The following ADAMTS9 variants were observed in gnomAD, a reference collection of about 807,000 sequenced individuals.
ADAMTS9 encodes A disintegrin and metalloproteinase with thrombospondin motifs 9.
A neutral mutation model predicts 257.1 loss-of-function variants in ADAMTS9; 107 were observed. The observed-to-expected ratio is 0.42, with a 90% CI of 0.36 to 0.49. The LOEUF (loss-of-function observed/expected upper bound fraction) is 0.49, where lower values mean the gene tolerates loss of function less well. ADAMTS9 is among the 20% of genes least tolerant of loss of function. The pLI is 0.03. For missense variants in ADAMTS9, 2,353 were observed against 2,469.1 expected, an observed-to-expected ratio of 0.95 and a Z score of 1.00; for synonymous variants, 982 against 880.9, an observed-to-expected ratio of 1.11 and a Z score of -2.03.
At chr3:64,533,394 T>C (rs1423879954) in intron 37 of ADAMTS9, 124 bp from the exon 38 acceptor site, 1 of 720,464 alleles carries the variant, frequency 1.4e-6, no homozygotes, top group Non-Finnish European at 2.4e-6. Flanking sequence ...TTGTGATAGC[T>C]ACTAATTATT....
chr3:64,600,941 A>T (rs2084448255), intron 26 of ADAMTS9, among the ~76,000 whole-genome samples: 1 of 152,228 alleles, frequency 6.6e-6, no homozygotes, highest in South Asian at 2.1e-4. Flanking sequence ...ATAGTAAACA[A>T]TTAAAAAGAA....
intron 30 of ADAMTS9, among the ~76,000 whole-genome samples, chr3:64,551,649 C>T (rs1283145160): frequency 1.3e-5 from 2 of 152,176 alleles, no homozygotes; most frequent in Non-Finnish European, 2.9e-5. Flanking sequence ...CTTCAAACAC[C>T]TACTCACAAG....
At chr3:64,664,548 C>T (rs76619400) in intron 3 of ADAMTS9, among the ~76,000 whole-genome samples, 1 of 152,188 alleles carries the variant, frequency 6.6e-6, no homozygotes, top group African/African-American at 2.4e-5. Flanking sequence ...CTGTGACTGG[C>T]TTCTTTCACT....
intron 22 of ADAMTS9, among the ~76,000 whole-genome samples, chr3:64,608,023 T>A (rs1342901389): frequency 6.6e-6 from 1 of 152,096 alleles, no homozygotes; most frequent in African/African-American, 2.4e-5. Flanking sequence ...TACATATTCT[T>A]AACCCATAGG....
At chr3:64,580,685 T>TA (rs1463115636) in intron 28 of ADAMTS9, among the ~76,000 whole-genome samples, 1 of 152,116 alleles carries the variant, frequency 6.6e-6, no homozygotes, top group African/African-American at 2.4e-5. Context: ...AAGTGAAATG[T>TA]AAAAAAAGAT....
intron 32 of ADAMTS9, among the ~76,000 whole-genome samples, chr3:64,544,411 T>C (rs907238994): frequency 2.6e-5 from 4 of 152,124 alleles, no homozygotes; most frequent in South Asian, 2.1e-4. Context: ...GGTACCAAAA[T>C]AGAGACATAG....
chr3:64,537,392 A>T (rs950228600), intron 37 of ADAMTS9, among the ~76,000 whole-genome samples: 1 of 152,234 alleles, frequency 6.6e-6, no homozygotes, highest in Admixed American at 6.5e-5. Flanking sequence ...AATGCAACAG[A>T]TACCAATGGG....
chr3:64,637,363 T>A (rs1046924663), intron 12 of ADAMTS9, among the ~76,000 whole-genome samples: 2 of 152,200 alleles, frequency 1.3e-5, no homozygotes, highest in Non-Finnish European at 2.9e-5. Context: ...ACTATTAAGA[T>A]CCTTTTAAAA....
chr3:64,640,997 G>A (rs1559805885), intron 12 of ADAMTS9, among the ~76,000 whole-genome samples: 1 of 152,064 alleles, frequency 6.6e-6, no homozygotes, highest in African/African-American at 2.4e-5. Context: ...AAAATGTCAG[G>A]TTGTGGGATG....
chr3:64,557,975 G>A (rs575489251), intron 30 of ADAMTS9, among the ~76,000 whole-genome samples: 15 of 152,260 alleles, frequency 9.9e-5, no homozygotes, highest in African/African-American at 3.6e-4. Flanking sequence ...CAATGAACAG[G>A]AAGTCCACTG....
At chr3:64,579,808 T>C (rs1190488511) in intron 28 of ADAMTS9, among the ~76,000 whole-genome samples, 2 of 152,224 alleles carry the variant, frequency 1.3e-5, no homozygotes, top group Admixed American at 6.5e-5. Flanking sequence ...CTGTCTCTTA[T>C]ATCCATTCAG....
chr3:64,601,821 G>T, intron 26 of ADAMTS9, 123 bp downstream of exon 26: 1 of 1,218,904 alleles, frequency 8.2e-7, no homozygotes, highest in Non-Finnish European at 1.1e-6. Flanking sequence ...CAAAGCAAAT[G>T]AAAATGCACA....
intron 22 of ADAMTS9, among the ~76,000 whole-genome samples, chr3:64,612,368 A>G (rs1576116800): frequency 1.3e-5 from 2 of 152,346 alleles, no homozygotes; most frequent in Non-Finnish European, 2.9e-5. Flanking sequence ...ATGCAGATAC[A>G]GACAAAAAGA....
Position 64,561,511 on chromosome 3 carries a change from G to GA in ADAMTS9, c.4698+66dup, listed in dbSNP as rs551592736. 549 of 1,533,962 alleles carry GA rather than the reference G, an allele frequency of 3.6e-4. No homozygotes were observed. In the African/African-American group the frequency reaches 6.6e-3, roughly 19 times the overall value. On this transcript the variant is annotated intron_variant, in intron 30 of 39. Coordinates refer to ENST00000498707, the MANE Select transcript of ADAMTS9 (RefSeq NM_182920.2). ...GACTTCTCTGGCTTTATAGGGAACA[G>GA]ATGTGAGGATAGCAAGGGGCGCACA...
intron 16 of ADAMTS9, among the ~76,000 whole-genome samples, chr3:64,630,506 G>T (rs1018891993): frequency 2.0e-5 from 3 of 152,210 alleles, no homozygotes; most frequent in Admixed American, 6.5e-5. Context: ...GAGCCTGGGA[G>T]GTTGAAGATG....
intron 16 of ADAMTS9, among the ~76,000 whole-genome samples, chr3:64,623,596 T>G (rs1386013130): frequency 6.6e-5 from 10 of 152,196 alleles, no homozygotes; most frequent in Admixed American, 6.5e-4. Flanking sequence ...AGCCACTATG[T>G]CCTGAGATAA....
intron 2 of ADAMTS9, among the ~76,000 whole-genome samples, 172 bp from the exon 3 acceptor site, chr3:64,681,535 ACT>A (rs1442644984): frequency 1.3e-5 from 2 of 152,034 alleles, no homozygotes; most frequent in Non-Finnish European, 2.9e-5. Context: ...GTTTATTTCC[ACT>A]CTCTGTCATA....
chr3:64,563,542 A>T (rs2083464905), intron 29 of ADAMTS9, among the ~76,000 whole-genome samples: 1 of 152,228 alleles, frequency 6.6e-6, no homozygotes, highest in South Asian at 2.1e-4. Context: ...GCTACTAAAT[A>T]AATGAAACCT....
chr3:64,551,271 A>G (rs1302578073), intron 30 of ADAMTS9, among the ~76,000 whole-genome samples: 1 of 152,066 alleles, frequency 6.6e-6, no homozygotes, highest in Admixed American at 6.5e-5. Flanking sequence ...GTGCAGTGGC[A>G]CGATCTTGGC....
Sources: allele counts gnomAD v4.1 joint callset (sites outside exome capture counted in the v4.1 genomes callset), GRCh38; gene constraint gnomAD v4.1.1; transcripts MANE v1.5; gene names NCBI Gene and HGNC (gene_info 2026-07-23, HGNC 2026-07-21).